The following SRGAP3 variants were observed in gnomAD, a reference collection of about 807,000 sequenced individuals.
SRGAP3 encodes the protein SLIT-ROBO Rho GTPase-activating protein 3.
A neutral mutation model predicts 121.1 loss-of-function variants in SRGAP3; 39 were observed. The ratio of observed to expected loss-of-function variants is 0.32; its 90% CI spans 0.25 to 0.42. The LOEUF is 0.42. SRGAP3 is among the 10% of genes least tolerant of loss of function. SRGAP3 has a pLI of 1.00. For synonymous variants in SRGAP3, 601 were observed against 570.0 expected (o/e 1.05, Z -0.77); for missense variants, 1,213 against 1,470.6 (o/e 0.82, Z 2.86).
chr3:9,182,163 A>G, intron 1 of SRGAP3, among the ~76,000 whole-genome samples: 1 of 133,738 alleles, frequency 7.5e-6, no homozygotes, highest in African/African-American at 2.7e-5. Flanking sequence ...ATGACAGAGC[A>G]AGACTCTGTC....
chr3:8,993,390 G>T (rs1942192954), intron 19 of SRGAP3, among the ~76,000 whole-genome samples: 1 of 152,196 alleles, frequency 6.6e-6, no homozygotes, highest in Non-Finnish European at 1.5e-5. Context: ...GAGTCCGCAG[G>T]CTGAGCACCG....
At chr3:9,354,166 C>G (rs1354458678) in intron 1 of SRGAP3, among the ~76,000 whole-genome samples, 2 of 152,130 alleles carry the variant, frequency 1.3e-5, no homozygotes, top group Non-Finnish European at 2.9e-5. Flanking sequence ...ATAGGCTAAA[C>G]TTCAAGTACC....
chr3:9,043,750 T>G (rs1031507804), intron 10 of SRGAP3, among the ~76,000 whole-genome samples: 2 of 152,202 alleles, frequency 1.3e-5, no homozygotes, highest in African/African-American at 4.8e-5. Context: ...TCAGATGGCC[T>G]GGTCCTGGTG....
intron 1 of SRGAP3, among the ~76,000 whole-genome samples, chr3:9,147,822 C>T (rs1575144745): frequency 1.3e-5 from 2 of 152,260 alleles, no homozygotes; most frequent in South Asian, 4.1e-4. Context: ...CAGCCTGTGC[C>T]AGAGCCACTA....
At chr3:9,282,486 T>C (rs1954697197) in intron 3 of SRGAP3, among the ~76,000 whole-genome samples, 1 of 152,106 alleles carries the variant, frequency 6.6e-6, no homozygotes, top group South Asian at 2.1e-4. Flanking sequence ...TATTTGTTTT[T>C]GTTTTTGTTT....
At chr3:9,135,505 C>T (rs941390886) in intron 1 of SRGAP3, among the ~76,000 whole-genome samples, 1 of 152,182 alleles carries the variant, frequency 6.6e-6, no homozygotes, top group African/African-American at 2.4e-5. Context: ...GATGATGTGG[C>T]CCAGTGGATA....
intron 1 of SRGAP3, among the ~76,000 whole-genome samples, chr3:9,336,269 T>C (rs533699885): frequency 3.2e-4 from 49 of 152,040 alleles, no homozygotes; most frequent in African/African-American, 1.1e-3. Flanking sequence ...CAGACTATAG[T>C]TCAGTGGTGT....
intron 1 of SRGAP3, chr3:9,193,775 A>T (rs1951835121): frequency 1.3e-5 from 2 of 152,390 alleles, no homozygotes; most frequent in Non-Finnish European, 2.9e-5. Flanking sequence ...CAGATCAGAC[A>T]TGGCAAAGAG....
chr3:9,156,245 T>C (rs1040523959), intron 1 of SRGAP3, among the ~76,000 whole-genome samples: 1 of 152,282 alleles, frequency 6.6e-6, no homozygotes, highest in East Asian at 1.9e-4. Context: ...TGTGTGTGTT[T>C]TGTTTGTTTT....
rs1252369452 is a variant in SRGAP3 at position 9,356,653 on chromosome 3, G to T, written n.214+6187C>A. Among the ~76,000 whole-genome samples the T allele has an allele frequency of 2.0e-5, 3 of 152,036 alleles. No individual in the cohort carries two copies. In the South Asian group the frequency reaches 6.2e-4, roughly 32 times the overall value. On this transcript the variant is annotated intron_variant and non_coding_transcript_variant, in intron 1 of 3. Transcript: ENST00000490889. ...CTCCCACAGTGCTAGGATTACAGGC[G>T]TGAGCCACCACGCTCAGCCAATTTT...
At chr3:9,013,264 T>G in intron 17 of SRGAP3, 44 bp downstream of exon 17, 1 of 1,577,326 alleles carries the variant, frequency 6.3e-7, no homozygotes, top group East Asian at 2.3e-5. Flanking sequence ...TCAATGGCAA[T>G]AACAATGACG....
At chr3:9,195,937 T>C (rs1002863014) in intron 1 of SRGAP3, among the ~76,000 whole-genome samples, 6 of 151,962 alleles carry the variant, frequency 3.9e-5, no homozygotes, top group South Asian at 2.1e-4. Context: ...ACCTGGGTGA[T>C]AGAGCAAGAC....
At chr3:9,099,936 G>C (rs986195827) in intron 3 of SRGAP3, among the ~76,000 whole-genome samples, 1 of 152,200 alleles carries the variant, frequency 6.6e-6, no homozygotes, top group Non-Finnish European at 1.5e-5. Context: ...ACGCCAGCAG[G>C]GTCAGTGGAG....
intron 18 of SRGAP3, among the ~76,000 whole-genome samples, chr3:9,000,449 C>T (rs1332169855): frequency 1.3e-5 from 2 of 152,236 alleles, no homozygotes; most frequent in Non-Finnish European, 2.9e-5. Flanking sequence ...TCTCAGAGTC[C>T]TGGCTCAGAG....
intron 12 of SRGAP3, 60 bp downstream of exon 12, chr3:9,032,590 G>T: frequency 6.8e-7 from 1 of 1,477,980 alleles, no homozygotes; most frequent in East Asian, 2.3e-5. Context: ...GGAGGCGGGC[G>T]GACAGAGGCT....
chr3:9,146,362 G>C (rs892876160), intron 1 of SRGAP3, among the ~76,000 whole-genome samples: 1 of 152,214 alleles, frequency 6.6e-6, no homozygotes, highest in African/African-American at 2.4e-5. Flanking sequence ...TTGGTGATAA[G>C]AGTGGCAGTG....
chr3:9,060,997 T>C (rs1388348497), intron 5 of SRGAP3, among the ~76,000 whole-genome samples: 1 of 152,164 alleles, frequency 6.6e-6, no homozygotes, highest in Non-Finnish European at 1.5e-5. Context: ...TTTGGGAGGC[T>C]GAGGCAGGCA....
At chr3:9,353,170 G>A (rs1273776982) in intron 1 of SRGAP3, among the ~76,000 whole-genome samples, 3 of 152,202 alleles carry the variant, frequency 2.0e-5, no homozygotes, top group African/African-American at 7.2e-5. Context: ...GAGACCTGAT[G>A]GCTATCCATG....
chr3:9,179,559 T>C (rs1951302473), intron 1 of SRGAP3, among the ~76,000 whole-genome samples: 1 of 152,184 alleles, frequency 6.6e-6, no homozygotes. Flanking sequence ...AGCCACATGA[T>C]AAAATAAGAG....
Sources: gnomAD v4.1 joint callset for allele counts (sites outside exome capture counted in the v4.1 genomes callset) on GRCh38, gnomAD v4.1.1 for gene constraint, MANE v1.5 for transcripts, NCBI Gene and HGNC (gene_info 2026-07-23, HGNC 2026-07-21) for gene names.